KDM4C: variants seen among roughly 807,000 people sequenced by gnomAD.
The protein encoded by KDM4C is lysine-specific demethylase 4C.
Under a neutral mutation model 129.3 loss-of-function variants are expected in KDM4C, and 81 were observed. The ratio of observed to expected loss-of-function variants is 0.63; its 90% confidence interval spans 0.52 to 0.75. The LOEUF is 0.75. KDM4C is among the 30% of genes least tolerant of loss of function. KDM4C has a pLI of 0.00. For missense variants in KDM4C, 1,457 were observed against 1,304.0 expected, an observed-to-expected ratio of 1.12 and a Z score of -1.81; for synonymous variants, 573 against 456.1, an observed-to-expected ratio of 1.26 and a Z score of -3.26.
intron 8 of KDM4C, among the ~76,000 whole-genome samples, chr9:6,935,297 A>G (rs10975913): frequency 0.31 from 46,596 of 151,960 alleles, 7,423 homozygotes; most frequent in Middle Eastern, 0.42. Flanking sequence ...AATTATAATC[A>G]TATTATTTTT....
chr9:7,171,301 T>C (rs1844935770), intron 21 of KDM4C, among the ~76,000 whole-genome samples: 1 of 152,102 alleles, frequency 6.6e-6, no homozygotes, highest in African/African-American at 2.4e-5. Context: ...AATTAAATAT[T>C]CCTGTTGTAA....
intron 8 of KDM4C, among the ~76,000 whole-genome samples, chr9:6,946,807 T>G (rs927193251): frequency 6.6e-6 from 1 of 152,168 alleles, no homozygotes; most frequent in African/African-American, 2.4e-5. Flanking sequence ...TCTTTTTCAC[T>G]CTTTAATTGA....
chr9:6,998,796 CA>C (rs61274143), intron 12 of KDM4C, among the ~76,000 whole-genome samples: 38,811 of 151,752 alleles, frequency 0.26, 5,433 homozygotes, highest in South Asian at 0.49. Flanking sequence ...ACTCTGGTTC[CA>C]AAAAAACAAA....
chr9:6,994,316 C>T (rs1006516053), intron 12 of KDM4C, among the ~76,000 whole-genome samples: 6 of 152,102 alleles, frequency 3.9e-5, no homozygotes, highest in Non-Finnish European at 8.8e-5. Flanking sequence ...CCTTACCCTC[C>T]CCCTGCTGCT....
At chr9:6,861,470 G>C (rs182056050) in intron 5 of KDM4C, among the ~76,000 whole-genome samples, 9 of 152,294 alleles carry the variant, frequency 5.9e-5, no homozygotes, top group Non-Finnish European at 8.8e-5. Flanking sequence ...GCCTTGATTA[G>C]AACTAGTCTG....
intron 8 of KDM4C, among the ~76,000 whole-genome samples, chr9:6,973,577 A>C (rs1832372345): frequency 6.6e-6 from 1 of 152,242 alleles, no homozygotes; most frequent in Non-Finnish European, 1.5e-5. Context: ...TTAGTATGAC[A>C]TATAGCATTT....
At position 7,103,894 on chromosome 9, in the gene KDM4C, AG is replaced by A. The variant is rs751535655; in HGVS notation, c.2610+25del. ...TGGTAAGATGTGCCCTCCCTTCCTCAGTGCTAAGACCGTGTCTGGATTTTCT... is the reference window on the plus strand; with the variant it reads ...TGGTAAGATGTGCCCTCCCTTCCTCATGCTAAGACCGTGTCTGGATTTTCT... On this transcript the variant is annotated intron_variant, in intron 18 of 21. Coordinates refer to ENST00000381309, the MANE Select transcript of KDM4C (RefSeq NM_015061.6). 2.5e-6 allele frequency: 4 copies of A among 1,608,202 alleles called. No individual in the cohort carries two copies. The East Asian group carries it at 8.9e-5, about 36-fold the overall frequency.
intron 17 of KDM4C, among the ~76,000 whole-genome samples, chr9:7,077,492 C>G (rs1160047722): frequency 6.6e-6 from 1 of 152,218 alleles, no homozygotes; most frequent in Non-Finnish European, 1.5e-5. Flanking sequence ...AATCTTCCAA[C>G]AACTCTTTCA....
intron 19 of KDM4C, among the ~76,000 whole-genome samples, chr9:7,164,794 T>A (rs1844199803): frequency 6.6e-6 from 1 of 152,182 alleles, no homozygotes; most frequent in African/African-American, 2.4e-5. Flanking sequence ...GTCAGTAAAA[T>A]GGGGATAATT....
intron 14 of KDM4C, 134 bp from the exon 15 acceptor site, chr9:7,015,719 T>C: frequency 2.1e-6 from 1 of 486,938 alleles, no homozygotes; most frequent in South Asian, 3.4e-5. Flanking sequence ...CTTGCTTATG[T>C]TTTGTTCTAT....
At chr9:6,759,340 C>G (rs543490055) in intron 1 of KDM4C, among the ~76,000 whole-genome samples, 2 of 152,228 alleles carry the variant, frequency 1.3e-5, no homozygotes, top group East Asian at 1.9e-4. Context: ...GACTAATATT[C>G]TCATTTCGAA....
intron 4 of KDM4C, among the ~76,000 whole-genome samples, chr9:6,824,928 G>A (rs1278985534): frequency 6.6e-6 from 1 of 152,016 alleles, no homozygotes; most frequent in African/African-American, 2.4e-5. Context: ...TGGATCACCT[G>A]AGGTCAAGAG....
intron 10 of KDM4C, among the ~76,000 whole-genome samples, chr9:6,984,944 T>A (rs533986518): frequency 2.1e-5 from 3 of 146,266 alleles, no homozygotes; most frequent in Non-Finnish European, 4.6e-5. Context: ...CATATTTTTC[T>A]GAAACTGCTT....
chr9:6,953,088 T>C (rs1402067783), intron 8 of KDM4C, among the ~76,000 whole-genome samples: 1 of 152,240 alleles, frequency 6.6e-6, no homozygotes, highest in Non-Finnish European at 1.5e-5. Context: ...CTATTTTAGA[T>C]GTTAGAAAAT....
At chr9:6,807,806 C>G (rs1483883316) in intron 3 of KDM4C, among the ~76,000 whole-genome samples, 1 of 148,428 alleles carries the variant, frequency 6.7e-6, no homozygotes, top group Non-Finnish European at 1.5e-5. Flanking sequence ...GGGGGTCAGC[C>G]CCCCGCCCGG....
chr9:7,103,957 A>G, intron 18 of KDM4C, 87 bp downstream of exon 18: 1 of 1,156,268 alleles, frequency 8.6e-7, no homozygotes, highest in South Asian at 1.4e-5. Context: ...AATGTGCTTT[A>G]TTCTGTAATA....
At chr9:7,030,340 A>T (rs1030553569) in intron 15 of KDM4C, among the ~76,000 whole-genome samples, 1 of 152,218 alleles carries the variant, frequency 6.6e-6, no homozygotes, top group East Asian at 1.9e-4. Context: ...TTTCATCATT[A>T]TACATCATTC....
At chr9:6,938,310 C>A (rs1057303968) in intron 8 of KDM4C, among the ~76,000 whole-genome samples, 1 of 151,868 alleles carries the variant, frequency 6.6e-6, no homozygotes, top group Non-Finnish European at 1.5e-5. Context: ...TGGTATAAGC[C>A]CCATTTCCAG....
rs1228961073 is a variant in KDM4C, at chr9:6,741,674, CT to C, written c.49+20678del. ...TTTTCATTGAATTTTGAGGTGGCAG[CT>C]CTTTTTTTTTTTTTTTTTTGTCTTT... is the stretch of plus-strand genomic sequence containing the variant. On this transcript the variant is annotated intron_variant, in intron 1 of 17. Coordinates refer to the KDM4C transcript ENST00000536108. 1.3e-4 allele frequency among the ~76,000 whole-genome samples: 15 copies of C among 119,778 alleles called. No homozygotes were observed. In the South Asian group the frequency reaches 2.8e-3, roughly 22 times the overall value. The allele number at this position is 119,778 out of a possible 152,430, so 78.6% of individuals were successfully genotyped here.
Sources: gnomAD v4.1 joint callset for allele counts (sites outside exome capture counted in the v4.1 genomes callset) on GRCh38, gnomAD v4.1.1 for gene constraint, MANE v1.5 for transcripts, NCBI Gene and HGNC (gene_info 2026-07-23, HGNC 2026-07-21) for gene names.